The following TRIM16 variants were observed in gnomAD, a reference collection of about 807,000 sequenced individuals.
TRIM16 encodes tripartite motif containing 16.
Under a neutral mutation model 50.4 loss-of-function variants are expected in TRIM16, and 33 were observed. The observed-to-expected ratio is 0.65, with a 90% CI of 0.50 to 0.88. The LOEUF is 0.88. Among genes scored for constraint, TRIM16 ranks in the 40% least tolerant of loss-of-function variants. TRIM16 has a pLI of 0.00. For missense variants in TRIM16, 581 were observed against 686.8 expected (o/e 0.85, Z 1.72); for synonymous variants, 229 against 270.7 (o/e 0.85, Z 1.51).
chr17:15,642,428 A>G (rs569578396), intron 8 of TRIM16, among the ~76,000 whole-genome samples: 1 of 148,700 alleles, frequency 6.7e-6, no homozygotes, highest in South Asian at 2.2e-4. Flanking sequence ...CCCCACACAC[A>G]TACACCCTGT....
intron 4 of TRIM16, among the ~76,000 whole-genome samples, chr17:15,679,412 G>A (rs560801571): frequency 0.026 from 3,954 of 152,262 alleles, 176 homozygotes; most frequent in African/African-American, 0.091. Flanking sequence ...GAGGCCTCAC[G>A]TGGTTGGAAA....
At chr17:15,660,823 G>A (rs1356930219) in intron 6 of TRIM16, among the ~76,000 whole-genome samples, 3 of 150,218 alleles carry the variant, frequency 2.0e-5, no homozygotes, top group Non-Finnish European at 4.4e-5. Context: ...GTGTGAACCT[G>A]GGAGGCAGAG....
intron 3 of TRIM16, among the ~76,000 whole-genome samples, chr17:15,681,520 C>T (rs889746647): frequency 2.6e-5 from 4 of 152,238 alleles, no homozygotes; most frequent in African/African-American, 9.6e-5. Context: ...ATCCTAAGCA[C>T]TGAGCACGGT....
At chr17:15,647,103 A>C (rs554332599) in intron 7 of TRIM16, among the ~76,000 whole-genome samples, 1 of 150,232 alleles carries the variant, frequency 6.7e-6, no homozygotes, top group South Asian at 2.1e-4. Context: ...AGTAGTTGGG[A>C]TTATAGGCGC....
chr17:15,656,420 G>A (rs1722487573), intron 6 of TRIM16, among the ~76,000 whole-genome samples: 1 of 152,094 alleles, frequency 6.6e-6, no homozygotes, highest in Non-Finnish European at 1.5e-5. Flanking sequence ...AAACTTGAAT[G>A]TCCCCCAAAG....
intron 7 of TRIM16, among the ~76,000 whole-genome samples, chr17:15,649,630 T>C (rs1357010903): frequency 6.6e-6 from 1 of 152,108 alleles, no homozygotes; most frequent in African/African-American, 2.4e-5. Flanking sequence ...CTTTTCCAGT[T>C]AAAAATAATA....
At chr17:15,678,953 G>C (rs1177412250) in intron 4 of TRIM16, among the ~76,000 whole-genome samples, 2 of 146,636 alleles carry the variant, frequency 1.4e-5, no homozygotes, top group Non-Finnish European at 3.0e-5. Flanking sequence ...TCGGCTTACC[G>C]CAACCTCCAT....
intron 1 of TRIM16, 64 bp downstream of exon 1, chr17:15,684,132 G>A (rs1400434897): frequency 6.6e-6 from 1 of 152,176 alleles, no homozygotes; most frequent in Non-Finnish European, 1.5e-5. Flanking sequence ...GCGGGCCCGG[G>A]GAGAGACCCA....
At chr17:15,671,967 A>G (rs1320427837) in intron 6 of TRIM16, among the ~76,000 whole-genome samples, 1 of 151,652 alleles carries the variant, frequency 6.6e-6, no homozygotes, top group Non-Finnish European at 1.5e-5. Context: ...ACTTAAAGAA[A>G]ACCTAAAAAG....
At chr17:15,654,781 T>C (rs1987895612) in intron 6 of TRIM16, among the ~76,000 whole-genome samples, 1 of 152,168 alleles carries the variant, frequency 6.6e-6, no homozygotes, top group Admixed American at 6.5e-5. Flanking sequence ...CCCTGCCCCA[T>C]AAAATGCTTA....
intron 6 of TRIM16, among the ~76,000 whole-genome samples, chr17:15,664,231 A>T (rs753009946): frequency 3.9e-5 from 6 of 152,238 alleles, no homozygotes; most frequent in Non-Finnish European, 7.3e-5. Context: ...AAGCAGGCAC[A>T]GGTGAAACTC....
rs1987128371 is a variant in TRIM16, at chr17:15,641,797, G to T, written c.615+924C>A. On this transcript the variant is annotated intron_variant, in intron 8 of 11. Transcript: ENST00000649191. The stretch of plus-strand genomic sequence containing the variant: ...GATGGATGGAATCATTTATTCTCAG[G>T]ATATAAAGATGACAATGCTGATTCA... Among the ~76,000 whole-genome samples, 2 of 147,830 alleles carry T rather than the reference G, an allele frequency of 1.4e-5. 1 individual carries two copies. Among genetic ancestry groups the T allele is most frequent in the Non-Finnish European group, 3.0e-5 (2 of 66,870 alleles).
At chr17:15,630,086 G>A (rs1314893300) in intron 11 of TRIM16, among the ~76,000 whole-genome samples, 7 of 152,160 alleles carry the variant, frequency 4.6e-5, no homozygotes, top group South Asian at 2.1e-4. Flanking sequence ...CAGGCCCCAC[G>A]TCCCTGGTCC....
At chr17:15,658,771 T>G in intron 6 of TRIM16, 1 of 984,334 alleles carries the variant, frequency 1.0e-6, no homozygotes, top group African/African-American at 1.7e-5. Flanking sequence ...ATCACTCCTC[T>G]AGAAACCAGC....
intron 6 of TRIM16, among the ~76,000 whole-genome samples, chr17:15,656,761 G>C (rs1567681500): frequency 6.6e-6 from 1 of 151,926 alleles, no homozygotes; most frequent in Non-Finnish European, 1.5e-5. Flanking sequence ...TTTGGTTTTT[G>C]TTTTTTGAAA....
chr17:15,676,425 T>A (rs1287498084), intron 6 of TRIM16, among the ~76,000 whole-genome samples: 2 of 86,826 alleles, frequency 2.3e-5, no homozygotes, highest in Non-Finnish European at 2.1e-5. Flanking sequence ...AACCTGAGAA[T>A]TTTTTCTTTT....
chr17:15,655,581 T>C (rs34398696), intron 6 of TRIM16, among the ~76,000 whole-genome samples: 31,074 of 149,230 alleles, frequency 0.21, 3,363 homozygotes, highest in East Asian at 0.31. Flanking sequence ...ATCTCTCTCT[T>C]TTTTTTTTTT....
At chr17:15,659,720 T>C (rs991437083) in intron 6 of TRIM16, among the ~76,000 whole-genome samples, 4 of 152,226 alleles carry the variant, frequency 2.6e-5, no homozygotes, top group African/African-American at 4.8e-5. Flanking sequence ...GGACAGGAGA[T>C]GGTTTCCCAG....
intron 6 of TRIM16, among the ~76,000 whole-genome samples, chr17:15,672,073 A>G (rs1042665727): frequency 6.6e-6 from 1 of 152,102 alleles, no homozygotes; most frequent in Admixed American, 6.5e-5. Context: ...CACCCTAGTT[A>G]GTTTATCACA....
Sources: allele counts gnomAD v4.1 joint callset (sites outside exome capture counted in the v4.1 genomes callset), GRCh38; gene constraint gnomAD v4.1.1; transcripts MANE v1.5; gene names NCBI Gene and HGNC (gene_info 2026-07-23, HGNC 2026-07-21).